NUMB: variants seen among roughly 807,000 people sequenced by gnomAD.
NUMB encodes the protein NUMB endocytic adaptor protein.
In NUMB, 29 loss-of-function variants were observed where a neutral mutation model predicts 59.7. That is an observed-to-expected ratio of 0.49 (90% CI 0.36 to 0.66). The LOEUF is 0.66. NUMB is among the 30% of genes least tolerant of loss of function. The probability of loss-of-function intolerance (pLI) is 0.00; values close to 1 mark genes in which losing one functional copy is unlikely to be tolerated. For missense variants in NUMB, 723 were observed against 822.0 expected (o/e 0.88, Z 1.47); for synonymous variants, 288 against 288.2 (o/e 1.00, Z 0.01).
intron 11 of NUMB, 82 bp from the exon 12 acceptor site, chr14:73,279,506 G>A (rs1594854090): frequency 2.2e-6 from 3 of 1,338,634 alleles, no homozygotes; most frequent in South Asian, 2.9e-5. Flanking sequence ...TCAGTCAGGT[G>A]AATGTACAAT....
At chr14:73,411,809 C>T (rs962005325) in intron 1 of NUMB, among the ~76,000 whole-genome samples, 3 of 151,750 alleles carry the variant, frequency 2.0e-5, no homozygotes, top group Non-Finnish European at 4.4e-5. Flanking sequence ...ATTTTGTGCC[C>T]ACATCTGTCA....
At chr14:73,308,918 T>C (rs1011836345) in intron 6 of NUMB, among the ~76,000 whole-genome samples, 1 of 152,100 alleles carries the variant, frequency 6.6e-6, no homozygotes, top group Non-Finnish European at 1.5e-5. Flanking sequence ...GCAGCCGTGG[T>C]GGGGTGGCAG....
chr14:73,444,262 G>A (rs1047288775), intron 1 of NUMB, among the ~76,000 whole-genome samples: 4 of 151,944 alleles, frequency 2.6e-5, no homozygotes, highest in Non-Finnish European at 5.9e-5. Context: ...AGCCAGGTGT[G>A]GTGGCATGCA....
At chr14:73,314,113 A>G (rs1184524648) in intron 6 of NUMB, among the ~76,000 whole-genome samples, 1 of 152,204 alleles carries the variant, frequency 6.6e-6, no homozygotes, top group East Asian at 1.9e-4. Flanking sequence ...TTAAATTACT[A>G]CTCTATAAAA....
At chr14:73,319,841 GA>G (rs1426135115) in intron 5 of NUMB, among the ~76,000 whole-genome samples, 1 of 152,122 alleles carries the variant, frequency 6.6e-6, no homozygotes, top group African/African-American at 2.4e-5. Flanking sequence ...GTATTTAAAA[GA>G]AAGGGGAGGC....
At chr14:73,384,607 G>A (rs1459333017) in intron 2 of NUMB, among the ~76,000 whole-genome samples, 7 of 152,088 alleles carry the variant, frequency 4.6e-5, no homozygotes, top group Non-Finnish European at 5.9e-5. Flanking sequence ...TGGCTCTCTC[G>A]CCTACGCTGG....
At chr14:73,389,680 AG>A (rs1895750336) in intron 2 of NUMB, among the ~76,000 whole-genome samples, 1 of 152,168 alleles carries the variant, frequency 6.6e-6, no homozygotes, top group South Asian at 2.1e-4. Flanking sequence ...GGAGGGCAAA[AG>A]TTTAAAGTTA....
At chr14:73,445,117 G>A (rs888436915) in intron 1 of NUMB, among the ~76,000 whole-genome samples, 1 of 151,872 alleles carries the variant, frequency 6.6e-6, no homozygotes, top group African/African-American at 2.4e-5. Flanking sequence ...GAGATTAGCT[G>A]TAACACTACT....
chr14:73,365,363 A>T (rs1027130763), intron 3 of NUMB, among the ~76,000 whole-genome samples: 3 of 152,202 alleles, frequency 2.0e-5, no homozygotes, highest in Non-Finnish European at 2.9e-5. Flanking sequence ...TTTATGGAAA[A>T]AAGAGAAAGC....
intron 1 of NUMB, among the ~76,000 whole-genome samples, chr14:73,451,352 AC>A (rs1467215130): frequency 6.7e-6 from 1 of 148,878 alleles, no homozygotes. Context: ...CAGGAGAATT[AC>A]TTGAACCCAC....
In NUMB at chr14:73,279,432, G is replaced by A. The variant is rs368550271; in HGVS notation, c.1097-8C>T. ...CTGAGTCAGTGCCATTAGCTACAAC[G>A]GGAGCAGACAACATCAATGGAGTTA... On this transcript the variant is annotated splice_polypyrimidine_tract_variant and splice_region_variant and intron_variant, in intron 11 of 12. Coordinates refer to ENST00000555238, the MANE Select transcript of NUMB (RefSeq NM_001005743.2). 5.4e-5 allele frequency: 85 copies of A among 1,568,636 alleles called. No individual in the cohort carries two copies. In the African/African-American group the frequency reaches 1.0e-3, roughly 18 times the overall value.
chr14:73,364,566 C>A (rs1187846723), intron 3 of NUMB, among the ~76,000 whole-genome samples: 1 of 151,858 alleles, frequency 6.6e-6, no homozygotes, highest in Non-Finnish European at 1.5e-5. Flanking sequence ...ATATAGCAAA[C>A]CTTAGTCATA....
At chr14:73,367,318 C>CATATAT (rs1390209129) in intron 2 of NUMB, among the ~76,000 whole-genome samples, 5 of 119,056 alleles carry the variant, frequency 4.2e-5, no homozygotes, top group African/African-American at 1.9e-4. Flanking sequence ...CACACACACA[C>CATATAT]ACACATATAT....
intron 2 of NUMB, among the ~76,000 whole-genome samples, chr14:73,398,461 C>T (rs61985843): frequency 0.17 from 23,629 of 140,714 alleles, 2,669 homozygotes; most frequent in Non-Finnish European, 0.24. Flanking sequence ...TGTTTAAAGA[C>T]CAGAAAAATA....
intron 4 of NUMB, among the ~76,000 whole-genome samples, chr14:73,348,083 C>T (rs1313445216): frequency 6.6e-6 from 1 of 152,180 alleles, no homozygotes; most frequent in Non-Finnish European, 1.5e-5. Flanking sequence ...CTACCAGTTG[C>T]CACCATGGAA....
At position 73,339,757 on chromosome 14, in the gene NUMB, C is replaced by T. The variant is rs192421064; in HGVS notation, c.126+15869G>A. Among the ~76,000 whole-genome samples the T allele has an allele frequency of 1.2e-4, 18 of 151,514 alleles. No individual in the cohort carries two copies. The East Asian group carries it at 3.5e-3, about 29-fold the overall frequency. On this transcript the variant is annotated intron_variant, in intron 4 of 12. Coordinates refer to ENST00000555238, the MANE Select transcript of NUMB (RefSeq NM_001005743.2). ...ACTCCCTTCATACTTAACCCTCACC[C>T]ACAACCCCTATCGTTTTTTGTTTGT...
chr14:73,284,539 T>C (rs912713784), intron 9 of NUMB, 165 bp from the exon 10 acceptor site: 5 of 603,860 alleles, frequency 8.3e-6, no homozygotes, highest in African/African-American at 1.9e-5. Context: ...TTCAGACAGA[T>C]AAAAGGCTTA....
chr14:73,278,723 T>C (rs1335993973), intron 12 of NUMB, among the ~76,000 whole-genome samples: 22 of 42,700 alleles, frequency 5.2e-4, no homozygotes, highest in African/African-American at 3.9e-3. Context: ...CCTGGAATCT[T>C]TTTTTTTTTT....
At chr14:73,338,361 T>C (rs75513887) in intron 4 of NUMB, among the ~76,000 whole-genome samples, 1,591 of 152,280 alleles carry the variant, frequency 0.01, 18 homozygotes, top group Admixed American at 0.018. Flanking sequence ...TATCAATAAA[T>C]GATATCAGCT....
Sources: allele counts gnomAD v4.1 joint callset (sites outside exome capture counted in the v4.1 genomes callset), GRCh38; gene constraint gnomAD v4.1.1; transcripts MANE v1.5; gene names NCBI Gene and HGNC (gene_info 2026-07-23, HGNC 2026-07-21).